The following C17orf107 variants were observed in gnomAD, a reference collection of about 807,000 sequenced individuals.
C17orf107 encodes the protein chromosome 17 open reading frame 107.
In C17orf107, 9 loss-of-function variants were observed where a neutral mutation model predicts 8.9. That is an observed-to-expected ratio of 1.02 (90% CI 0.61 to 1.77). The LOEUF is 1.77. C17orf107 is among the 40% of genes most tolerant of loss of function. The probability of loss-of-function intolerance (pLI) is 0.00; values close to 1 mark genes in which losing one functional copy is unlikely to be tolerated. For missense variants in C17orf107, 281 were observed against 249.0 expected (o/e 1.13, Z -0.86); for synonymous variants, 139 against 120.3 (o/e 1.16, Z -1.02).
At position 4,901,781 on chromosome 17, in the gene C17orf107, C is replaced by G. The variant is rs992960524; in HGVS notation, c.*1248C>G. 2.3e-6 allele frequency: 3 copies of G among 1,311,162 alleles called. No individual in the cohort carries two copies. The African/African-American group carries it at 4.4e-5, about 19-fold the overall frequency. 81.2% of individuals were successfully genotyped at this position (1,311,162 alleles called of 1,614,324 possible). A position where few individuals can be genotyped will look rare whatever the true frequency, so the allele number is the denominator to read the frequency against. ...ACGCCTCTGTTCCCATCTGTACCTC[C>G]GGCCGCGCTGGAGCGTCCCACCCAG... is the stretch of plus-strand genomic sequence containing the variant. On this transcript the variant is annotated 3_prime_UTR_variant, in exon 3 of 3. Transcript: ENST00000381365.
downstream of C17orf107, among the ~76,000 whole-genome samples, chr17:4,906,615 G>A (rs1970095360): frequency 6.6e-6 from 1 of 152,098 alleles, no homozygotes; most frequent in Admixed American, 6.6e-5. Context: ...ATCACTGGGA[G>A]GCTGAGGTAG....
Position 4,902,720 on chromosome 17 carries a change from A to G in C17orf107, c.*2187A>G, listed in dbSNP as rs528833386. 2 of 1,613,870 alleles carry G rather than the reference A, an allele frequency of 1.2e-6. No individual in the cohort carries two copies. The highest frequency in any genetic ancestry group is 3.3e-5 in the Admixed American group (2 of 59,998). ...TTCCTGGGTCATAGTTGTTGAAGAG[A>G]TGGTGATAAAGACGCAGTTCCTCGT... On this transcript the variant is annotated 3_prime_UTR_variant, in exon 3 of 3. Transcript: ENST00000381365. This position sits in a 1 kb window ranked among gnomAD's most constrained non-coding sequence, Gnocchi z 4.0.
chr17:4,901,465 G>A lies in C17orf107; in HGVS notation c.*932G>A. ...GTTGGTCCGGGGCAAGCCCACCGTG[G>A]AAGTCCCCTCTCTGGACCCCGTCTA... On this transcript the variant is annotated 3_prime_UTR_variant, in exon 3 of 3. Coordinates refer to ENST00000381365, the MANE Select transcript of C17orf107 (RefSeq NM_001145536.2). 1 of 1,511,076 alleles carries A rather than the reference G, an allele frequency of 6.6e-7. No homozygotes were observed. Among genetic ancestry groups the A allele is most frequent in the Non-Finnish European group, 9.2e-7 (1 of 1,086,422 alleles). 93.6% of individuals were successfully genotyped at this position (1,511,076 alleles called of 1,614,324 possible).
In C17orf107 at chr17:4,902,647, C is replaced by G; in HGVS notation, c.*2114C>G. 1 of 1,614,070 alleles carries G rather than the reference C, an allele frequency of 6.2e-7. No individual in the cohort carries two copies. Among genetic ancestry groups the G allele is most frequent in the South Asian group, 1.1e-5 (1 of 91,078 alleles). The stretch of plus-strand genomic sequence containing the variant: ...AGTGAGATGAGATTCGTCAGGGTGA[C>G]CTTGAGGCTGATGGTGACAGTATCC... On this transcript the variant is annotated 3_prime_UTR_variant, in exon 3 of 3. Coordinates refer to ENST00000381365, the MANE Select transcript of C17orf107 (RefSeq NM_001145536.2). This position sits in a 1 kb window ranked among gnomAD's most constrained non-coding sequence, Gnocchi z 4.0.
downstream of C17orf107, among the ~76,000 whole-genome samples, chr17:4,904,149 G>A (rs916139607): frequency 3.3e-5 from 5 of 152,072 alleles, no homozygotes; most frequent in Admixed American, 1.3e-4. Flanking sequence ...GAGCCACCGC[G>A]CCCAGCCTCG....
downstream of C17orf107, among the ~76,000 whole-genome samples, chr17:4,906,535 T>C (rs1167771936): frequency 6.6e-6 from 1 of 152,150 alleles, no homozygotes; most frequent in Non-Finnish European, 1.5e-5. Flanking sequence ...AAGATTTGAA[T>C]AGACGCTTCT....
In C17orf107 at chr17:4,900,349, G is replaced by C; in HGVS notation, c.389G>C (p.Gly130Ala). 1 of 1,547,830 alleles carries C rather than the reference G, an allele frequency of 6.5e-7. No homozygotes were observed. The highest frequency in any genetic ancestry group is 8.7e-7 in the Non-Finnish European group (1 of 1,146,396). Residue 130 changes from glycine to alanine, a missense_variant, in exon 3 of 3, where the codon GGG becomes GCG. Transcript: ENST00000381365. ...CTGAGCCGGGTAGCCCAAGCCGCAG[G>C]GCAGGGGGTTCGGCAAGCTGGGGCT... Reference protein sequence around the residue: ...AALSRVAQAAGQGVRQAGAAV... With the variant: ...AALSRVAQAAAQGVRQAGAAV...
chr17:4,901,300 G>T lies in C17orf107; in HGVS notation c.*767G>T. 8.0e-7 allele frequency: 1 copy of T among 1,250,808 alleles called. No homozygotes were observed. The highest frequency in any genetic ancestry group is 1.1e-6 in the Non-Finnish European group (1 of 880,392). 77.5% of individuals were successfully genotyped at this position (1,250,808 alleles called of 1,614,324 possible). Reference sequence around the variant, plus strand: ...TCTGCACCAGGGTCATGGGCCGTCAGGATGGGGGCAATTACGGACAGAAAA... The same window carrying T: ...TCTGCACCAGGGTCATGGGCCGTCATGATGGGGGCAATTACGGACAGAAAA... On this transcript the variant is annotated 3_prime_UTR_variant, in exon 3 of 3. Transcript: ENST00000381365.
downstream of C17orf107, among the ~76,000 whole-genome samples, chr17:4,904,252 A>C (rs1350716365): frequency 6.6e-6 from 1 of 151,878 alleles, no homozygotes; most frequent in Non-Finnish European, 1.5e-5. Context: ...ACAGGAGTAC[A>C]GTGGCACCAC....
downstream of C17orf107, among the ~76,000 whole-genome samples, chr17:4,903,811 T>TAC (rs1371983490): frequency 6.6e-6 from 1 of 152,018 alleles, no homozygotes; most frequent in Non-Finnish European, 1.5e-5. Context: ...CGTGCACACA[T>TAC]ACACACACAC....
downstream of C17orf107, among the ~76,000 whole-genome samples, chr17:4,905,630 G>T (rs1970083477): frequency 6.6e-6 from 1 of 152,030 alleles, no homozygotes; most frequent in African/African-American, 2.4e-5. Context: ...GGAGGCCAAG[G>T]CAGGTGGACC....
chr17:4,901,220 G>A lies in C17orf107; in HGVS notation c.*687G>A, dbSNP rs780681661. 1 of 1,592,622 alleles carries A rather than the reference G, an allele frequency of 6.3e-7. No homozygotes were observed. The highest frequency in any genetic ancestry group is 1.3e-5 in the African/African-American group (1 of 74,708). On this transcript the variant is annotated 3_prime_UTR_variant, in exon 3 of 3. Coordinates refer to ENST00000381365, the MANE Select transcript of C17orf107 (RefSeq NM_001145536.2). Reference sequence around the variant, plus strand: ...GGGACGGGGGCACGGTCAGCTGGCTGTCAGAGCGGGGCGCCCGCCGAGCTG... The same window carrying A: ...GGGACGGGGGCACGGTCAGCTGGCTATCAGAGCGGGGCGCCCGCCGAGCTG...
Position 4,901,889 on chromosome 17 carries a change from C to CCA in C17orf107, c.*1357_*1358insAC, listed in dbSNP as rs761160030. The CCA allele has an allele frequency of 4.4e-6, 7 of 1,601,994 alleles. No homozygotes were observed. Among genetic ancestry groups the CCA allele is most frequent in the African/African-American group, 1.3e-5 (1 of 74,496 alleles). On this transcript the variant is annotated 3_prime_UTR_variant, in exon 3 of 3. Transcript: ENST00000381365. ...GGTTGGCCCCGCCCCATAAGGCCCC[C>CCA]CCCCAACAATAATCGTCCGGGCCTC...
downstream of C17orf107, among the ~76,000 whole-genome samples, chr17:4,904,807 G>A (rs1189173239): frequency 2.6e-5 from 4 of 152,096 alleles, no homozygotes; most frequent in African/African-American, 4.8e-5. Context: ...TGTTACAAGC[G>A]AGGACACATC....
rs374325420 is a variant in C17orf107 at position 4,902,334 on chromosome 17, G to A, written c.*1801G>A. The A allele has an allele frequency of 2.5e-6, 4 of 1,614,120 alleles. No individual in the cohort carries two copies. The highest frequency in any genetic ancestry group is 3.4e-6 in the Non-Finnish European group (4 of 1,179,966). ...TCGGTAATCCTGCCAATCCTAAGGGGTGGGGGATGGAAGGCCGCGTGCCCT... is the reference window on the plus strand; with the variant it reads ...TCGGTAATCCTGCCAATCCTAAGGGATGGGGGATGGAAGGCCGCGTGCCCT... On this transcript the variant is annotated 3_prime_UTR_variant, in exon 3 of 3. Coordinates refer to ENST00000381365, the MANE Select transcript of C17orf107 (RefSeq NM_001145536.2). The surrounding 1 kb of genome is among the most constrained non-coding windows in gnomAD (Gnocchi z 4.0).
Position 4,902,268 on chromosome 17 carries a change from A to G in C17orf107, c.*1735A>G, listed in dbSNP as rs28929768. The G allele has an allele frequency of 6.2e-6, 10 of 1,614,060 alleles. No homozygotes were observed. The South Asian group carries it at 1.1e-4, about 18-fold the overall frequency. On this transcript the variant is annotated 3_prime_UTR_variant, in exon 3 of 3. Coordinates refer to ENST00000381365, the MANE Select transcript of C17orf107 (RefSeq NM_001145536.2). The surrounding 1 kb of genome is among the most constrained non-coding windows in gnomAD (Gnocchi z 4.0). ...CCACACGAGTTCTGAAGGGACTCGC[A>G]GGGTTTCTATACCCCCAAAGTCGTC...
chr17:4,901,440 G>C lies in C17orf107; in HGVS notation c.*907G>C. On this transcript the variant is annotated 3_prime_UTR_variant, in exon 3 of 3. Coordinates refer to ENST00000381365, the MANE Select transcript of C17orf107 (RefSeq NM_001145536.2). The stretch of plus-strand genomic sequence containing the variant: ...GTTGTGGAAGTCATCCTCCAGTGTC[G>C]TTGGTCCGGGGCAAGCCCACCGTGG... 7.8e-7 allele frequency: 1 copy of C among 1,283,872 alleles called. No homozygotes were observed. Among genetic ancestry groups the C allele is most frequent in the Non-Finnish European group, 1.1e-6 (1 of 881,724 alleles). The allele number at this position is 1,283,872 out of a possible 1,614,324, so 79.5% of individuals were successfully genotyped here.
chr17:4,901,327 G>A lies in C17orf107; in HGVS notation c.*794G>A. The A allele has an allele frequency of 1.9e-6, 2 of 1,042,330 alleles. No homozygotes were observed. Among genetic ancestry groups the A allele is most frequent in the South Asian group, 2.7e-5 (2 of 73,974 alleles). 64.6% of individuals were successfully genotyped at this position (1,042,330 alleles called of 1,614,324 possible). On this transcript the variant is annotated 3_prime_UTR_variant, in exon 3 of 3. Coordinates refer to ENST00000381365, the MANE Select transcript of C17orf107 (RefSeq NM_001145536.2). The stretch of plus-strand genomic sequence containing the variant: ...ATGGGGGCAATTACGGACAGAAAAG[G>A]GCATTCTCGTTGAGGGTATGGAAAG...
downstream of C17orf107, among the ~76,000 whole-genome samples, chr17:4,905,624 G>T (rs991997370): frequency 6.6e-6 from 1 of 151,842 alleles, no homozygotes. Flanking sequence ...ACTTTGGGAG[G>T]CCAAGGCAGG....
Sources: allele counts gnomAD v4.1 joint callset (sites outside exome capture counted in the v4.1 genomes callset), GRCh38; gene constraint gnomAD v4.1.1; non-coding constraint Gnocchi (gnomAD v3.1); transcripts MANE v1.5; gene names NCBI Gene and HGNC (gene_info 2026-07-23, HGNC 2026-07-21).